Variants in SLCO5A1 observed in about 807,000 individuals in gnomAD.
The protein encoded by SLCO5A1 is solute carrier organic anion transporter family member 5A1.
In SLCO5A1, 39 loss-of-function variants were observed where a neutral mutation model predicts 65.1. The observed-to-expected ratio is 0.60, with a 90% CI of 0.46 to 0.78. The LOEUF is 0.78. Ranked by LOEUF, SLCO5A1 falls within the 30% of genes least tolerant of loss-of-function variation. The pLI is 0.00. For synonymous variants in SLCO5A1, 438 were observed against 415.7 expected (o/e 1.05, Z -0.65); for missense variants, 1,029 against 1,069.4 (o/e 0.96, Z 0.53).
intron 2 of SLCO5A1, chr8:69,772,967 G>GCTGTGGA (rs1217580307): frequency 1.0e-6 from 1 of 985,244 alleles, no homozygotes; most frequent in African/African-American, 1.7e-5. Flanking sequence ...CCAATTATAT[G>GCTGTGGA]CTGTGGACTG....
chr8:69,819,089 T>C (rs997337360), intron 2 of SLCO5A1, among the ~76,000 whole-genome samples: 1 of 152,006 alleles, frequency 6.6e-6, no homozygotes. Context: ...CATTTTAAAA[T>C]GGGTTACAAG....
chr8:69,737,064 T>C (rs1212971174), intron 5 of SLCO5A1, among the ~76,000 whole-genome samples: 1 of 152,244 alleles, frequency 6.6e-6, no homozygotes, highest in Non-Finnish European at 1.5e-5. Flanking sequence ...CACAGCAGTG[T>C]ATTCTTTATA....
At chr8:69,692,785 G>C (rs1814329054) in intron 6 of SLCO5A1, among the ~76,000 whole-genome samples, 1 of 152,136 alleles carries the variant, frequency 6.6e-6, no homozygotes, top group Non-Finnish European at 1.5e-5. Context: ...GCATGGAGCT[G>C]TCATCTCCTA....
At chr8:69,673,470 G>A (rs1813419790) in intron 9 of SLCO5A1, 144 bp from the exon 10 acceptor site, 3 of 658,014 alleles carry the variant, frequency 4.6e-6, no homozygotes, top group Middle Eastern at 3.9e-4. Flanking sequence ...TTTTTAAGAC[G>A]CATCATATTT....
At position 69,742,010 on chromosome 8, in the gene SLCO5A1, A is replaced by T. The variant is rs1239917442; in HGVS notation, c.1259-3806T>A. ...TGGTTTAGATGATAGCACCAGATCA[A>T]TGTGAATTGCCTGATTCTTATGGCT... On this transcript the variant is annotated intron_variant, in intron 4 of 9. Coordinates refer to ENST00000260126, the MANE Select transcript of SLCO5A1 (RefSeq NM_030958.3). Among the ~76,000 whole-genome samples the T allele has an allele frequency of 2.6e-5, 4 of 152,318 alleles. No homozygotes were observed. In the South Asian group the frequency reaches 8.3e-4, roughly 32 times the overall value.
chr8:69,700,732 G>A (rs1262536864), intron 6 of SLCO5A1, among the ~76,000 whole-genome samples: 2 of 151,786 alleles, frequency 1.3e-5, no homozygotes, highest in Admixed American at 1.3e-4. Context: ...TGACAATGGG[G>A]CAAAAACTTC....
chr8:69,735,534 C>A (rs1467877369), intron 5 of SLCO5A1, among the ~76,000 whole-genome samples: 1 of 152,116 alleles, frequency 6.6e-6, no homozygotes. Flanking sequence ...ATGGATGGAA[C>A]TTGAAGCCAT....
chr8:69,690,844 C>T lies in SLCO5A1; in HGVS notation c.1623-8501G>A, dbSNP rs78264853. 1.8e-3 allele frequency among the ~76,000 whole-genome samples: 276 copies of T among 152,226 alleles called. 15 individuals are homozygous for T. In the East Asian group the frequency reaches 0.049, roughly 27 times the overall value. On this transcript the variant is annotated intron_variant, in intron 6 of 9. Transcript: ENST00000260126. ...CCCTGGAGAAGTTTCAGCTCAGTAG[C>T]TCAAGTCACAAACCCAGATAATATA...
chr8:69,736,789 C>T lies in SLCO5A1; in HGVS notation c.1423+1251G>A, dbSNP rs181081044. On this transcript the variant is annotated intron_variant, in intron 5 of 9. Transcript: ENST00000260126. ...CCACTAACACCTTTGAATATTGAAACTTAGTTTGGGAAATGCTGGAGACTA... is the reference window on the plus strand; with the variant it reads ...CCACTAACACCTTTGAATATTGAAATTTAGTTTGGGAAATGCTGGAGACTA... 4.7e-3 allele frequency among the ~76,000 whole-genome samples: 720 copies of T among 152,294 alleles called. 2 individuals are homozygous for T. The highest frequency in any genetic ancestry group is 7.9e-3 in the Non-Finnish European group (540 of 68,020).
intron 5 of SLCO5A1, among the ~76,000 whole-genome samples, chr8:69,729,375 C>G (rs544937174): frequency 7.6e-6 from 1 of 131,134 alleles, no homozygotes; most frequent in Non-Finnish European, 1.5e-5. Flanking sequence ...ACCCGGGAGG[C>G]GGAACTTGCA....
At chr8:69,710,640 C>T (rs1397617512) in intron 5 of SLCO5A1, among the ~76,000 whole-genome samples, 1 of 152,176 alleles carries the variant, frequency 6.6e-6, no homozygotes, top group African/African-American at 2.4e-5. Context: ...AATTATGGAG[C>T]CGCGGATACT....
At chr8:69,829,965 G>A (rs766663403) in intron 2 of SLCO5A1, among the ~76,000 whole-genome samples, 12 of 152,154 alleles carry the variant, frequency 7.9e-5, no homozygotes, top group East Asian at 1.9e-4. Flanking sequence ...GGTCTGTGTC[G>A]TGGGTATACT....
intron 2 of SLCO5A1, among the ~76,000 whole-genome samples, chr8:69,804,309 G>A (rs377523281): frequency 4.0e-5 from 6 of 151,842 alleles, no homozygotes; most frequent in African/African-American, 1.5e-4. Context: ...CTTTTTTATT[G>A]TTTTTGTTTT....
chr8:69,742,295 T>G (rs563598764), intron 4 of SLCO5A1, among the ~76,000 whole-genome samples: 37 of 152,204 alleles, frequency 2.4e-4, no homozygotes, highest in Non-Finnish European at 4.7e-4. Context: ...ACTTAATTTT[T>G]ATGCTACAGA....
At chr8:69,825,893 C>T (rs1391173213) in intron 2 of SLCO5A1, among the ~76,000 whole-genome samples, 1 of 152,196 alleles carries the variant, frequency 6.6e-6, no homozygotes, top group East Asian at 1.9e-4. Context: ...TACAAGCCTA[C>T]AGTAACCAAA....
intron 6 of SLCO5A1, among the ~76,000 whole-genome samples, chr8:69,698,799 C>T (rs1814603498): frequency 6.6e-6 from 1 of 152,210 alleles, no homozygotes; most frequent in Non-Finnish European, 1.5e-5. Context: ...CTCAGAAATA[C>T]TTTCTTCCCA....
chr8:69,796,439 C>A (rs753864006), intron 2 of SLCO5A1, among the ~76,000 whole-genome samples: 7 of 151,916 alleles, frequency 4.6e-5, no homozygotes, highest in Non-Finnish European at 7.4e-5. Context: ...CACAGCAAGA[C>A]CCTGCCTCTA....
At chr8:69,795,557 C>T (rs1819454315) in intron 2 of SLCO5A1, among the ~76,000 whole-genome samples, 1 of 152,204 alleles carries the variant, frequency 6.6e-6, no homozygotes, top group African/African-American at 2.4e-5. Context: ...GGCAGCTCTG[C>T]CCTGTGACTT....
At chr8:69,806,907 C>T (rs546399840) in intron 2 of SLCO5A1, among the ~76,000 whole-genome samples, 44 of 152,312 alleles carry the variant, frequency 2.9e-4, no homozygotes, top group Non-Finnish European at 5.1e-4. Context: ...AAAATCTTGG[C>T]TAATACTGCC....
Sources: gnomAD v4.1 joint callset for allele counts (sites outside exome capture counted in the v4.1 genomes callset) on GRCh38, gnomAD v4.1.1 for gene constraint, MANE v1.5 for transcripts, NCBI Gene and HGNC (gene_info 2026-07-23, HGNC 2026-07-21) for gene names.